SCARB1: variants seen among roughly 807,000 people sequenced by gnomAD.
The protein encoded by SCARB1 is scavenger receptor class B member 1, also known as CD36 and LIMPII analogous 1.
A neutral mutation model predicts 57.2 loss-of-function variants in SCARB1; 30 were observed. The observed-to-expected ratio is 0.52, with a 90% CI of 0.39 to 0.71. The LOEUF (loss-of-function observed/expected upper bound fraction) is 0.71, where lower values mean the gene tolerates loss of function less well. Ranked by LOEUF, SCARB1 falls within the 30% of genes least tolerant of loss-of-function variation. SCARB1 has a pLI of 0.00. For synonymous variants in SCARB1, 249 were observed against 268.3 expected, an observed-to-expected ratio of 0.93 and a Z score of 0.70; for missense variants, 543 against 671.2, an observed-to-expected ratio of 0.81 and a Z score of 2.11.
chr12:124,846,729 CAAAAAAAAAAAA>C (rs5801572), intron 1 of SCARB1, among the ~76,000 whole-genome samples: 35 of 46,038 alleles, frequency 7.6e-4, no homozygotes, highest in South Asian at 1.7e-3. Flanking sequence ...GACTCCATCT[CAAAAAAAAAAAA>C]AAAAAAAAAA....
intron 1 of SCARB1, among the ~76,000 whole-genome samples, chr12:124,825,409 G>T (rs916231434): frequency 6.6e-6 from 1 of 152,106 alleles, no homozygotes; most frequent in African/African-American, 2.4e-5. Flanking sequence ...GGGGGCTCAC[G>T]CCTGTGATCC....
chr12:124,797,635 C>T (rs1379522967), intron 8 of SCARB1, among the ~76,000 whole-genome samples: 2 of 152,178 alleles, frequency 1.3e-5, no homozygotes, highest in Non-Finnish European at 2.9e-5. Context: ...AAAGAAAATC[C>T]GTGCCCTGAA....
intron 1 of SCARB1, among the ~76,000 whole-genome samples, chr12:124,856,983 C>T (rs1365975264): frequency 6.6e-6 from 1 of 152,180 alleles, no homozygotes; most frequent in Admixed American, 6.5e-5. Flanking sequence ...TAGGACAAAG[C>T]CTCGAAGGGA....
chr12:124,822,555 G>A lies in SCARB1; in HGVS notation c.127-4848C>T, dbSNP rs558328901. Among the ~76,000 whole-genome samples the A allele has an allele frequency of 5.3e-5, 8 of 152,306 alleles. No homozygotes were observed. The highest frequency in any genetic ancestry group is 2.6e-4 in the Admixed American group (4 of 15,296). On this transcript the variant is annotated intron_variant, in intron 1 of 12. Coordinates refer to ENST00000261693, the MANE Select transcript of SCARB1 (RefSeq NM_005505.5). The surrounding 1 kb of genome is among the most constrained non-coding windows in gnomAD (Gnocchi z 5.0). The stretch of plus-strand genomic sequence containing the variant: ...AACTGGCCCAGCTATCTTGATTTTG[G>A]TTGCCATATAGGTGAAGTGTATACA...
chr12:124,849,314 C>G (rs1238770954), intron 1 of SCARB1, among the ~76,000 whole-genome samples: 1 of 152,194 alleles, frequency 6.6e-6, no homozygotes, highest in Non-Finnish European at 1.5e-5. Flanking sequence ...CAGCTCATCC[C>G]TCCCACCCCT....
chr12:124,788,489 T>C (rs1402951368), intron 9 of SCARB1, among the ~76,000 whole-genome samples: 1 of 152,218 alleles, frequency 6.6e-6, no homozygotes, highest in East Asian at 1.9e-4. Context: ...TGAACCTTTT[T>C]TCCCTCCTCC....
Position 124,811,909 on chromosome 12 carries a change from G to C in SCARB1, c.687C>G (p.Ser229Arg), listed in dbSNP as rs757116603. Residue 229 changes from serine to arginine, a missense_variant, in exon 5 of 13, where the codon AGC becomes AGG. Physicochemically the swap from Ser to Arg is moderately radical, Grantham distance 110. Coordinates refer to ENST00000261693, the MANE Select transcript of SCARB1 (RefSeq NM_005505.5). ...FTVFTGVQNI[S>R]RIHLVDKWNG... ...TCCACTTGTCCACGAGGTGGATCCT[G>C]CTGATGTTCTGGACCCCCGTGAACA... The C allele has an allele frequency of 4.5e-5, 73 of 1,613,240 alleles. No individual in the cohort carries two copies. Among genetic ancestry groups the C allele is most frequent in the Non-Finnish European group, 5.8e-5 (69 of 1,179,728 alleles).
chr12:124,833,876 G>A (rs371549797), intron 1 of SCARB1, among the ~76,000 whole-genome samples: 16 of 152,352 alleles, frequency 1.1e-4, no homozygotes, highest in African/African-American at 2.2e-4. Context: ...AGAGAAACCC[G>A]GGCCGGGGAA....
In SCARB1 at chr12:124,777,485, GT is replaced by G. The variant is rs1350330131; in HGVS notation, c.*1101del. On this transcript the variant is annotated 3_prime_UTR_variant, in exon 13 of 13. Transcript: ENST00000261693. ...GTTGAAATTTGAAAACAACAGGAAG[GT>G]AAGCCAGCAGCCCGGCCCTGGGAGA... 2 of 152,064 alleles carry G rather than the reference GT, an allele frequency of 1.3e-5. No homozygotes were observed. The highest frequency in any genetic ancestry group is 6.6e-5 in the Admixed American group (1 of 15,252). 9.4% of individuals were successfully genotyped at this position (152,064 alleles called of 1,614,324 possible).
rs1566158439 is a variant in SCARB1 at position 124,800,057 on chromosome 12, G to C, written c.1128+67C>G. On this transcript the variant is annotated intron_variant, in intron 8 of 12. Coordinates refer to ENST00000261693, the MANE Select transcript of SCARB1 (RefSeq NM_005505.5). This position sits in a 1 kb window ranked among gnomAD's most constrained non-coding sequence, Gnocchi z 4.8. ...CACAGCAGCTCTCTGCCTGGGGAGA[G>C]AGGAGGCAGCCAGGTGTGCTCCAAC... 5 of 1,198,744 alleles carry C rather than the reference G, an allele frequency of 4.2e-6. No individual in the cohort carries two copies. The highest frequency in any genetic ancestry group is 5.0e-6 in the Non-Finnish European group (4 of 803,862). The allele number at this position is 1,198,744 out of a possible 1,614,324, so 74.3% of individuals were successfully genotyped here.
At chr12:124,780,412 G>A (rs191089065) in intron 12 of SCARB1, among the ~76,000 whole-genome samples, 1 of 152,280 alleles carries the variant, frequency 6.6e-6, no homozygotes, top group African/African-American at 2.4e-5. Context: ...AGCCCCTCAG[G>A]GCCATCCCCA....
intron 1 of SCARB1, among the ~76,000 whole-genome samples, chr12:124,833,569 G>A (rs1047777629): frequency 5.3e-5 from 8 of 152,192 alleles, no homozygotes; most frequent in East Asian, 3.9e-4. Context: ...GGATCAGGAC[G>A]CCAGCACCTT....
Position 124,814,981 on chromosome 12 carries a change from G to A in SCARB1, c.418C>T (p.Leu140=), listed in dbSNP as rs200492038. The change falls in exon 3 of 13, where the codon CTG becomes TTG. Residue 140 remains leucine, a synonymous_variant. Coordinates refer to ENST00000261693, the MANE Select transcript of SCARB1 (RefSeq NM_005505.5). The surrounding 1 kb of genome is among the most constrained non-coding windows in gnomAD (Gnocchi z 4.7). ...ESDYIVMPNI[L]VLGAAVMMEN... ...CCACAGGGCAGCCTCACCAAGACCA[G>A]GATGTTGGGCATGACGATGTAGTCG... The A allele has an allele frequency of 1.9e-6, 3 of 1,614,182 alleles. No homozygotes were observed. In the East Asian group the frequency reaches 6.7e-5, roughly 36 times the overall value.
chr12:124,860,529 A>G (rs1952852128), intron 1 of SCARB1, among the ~76,000 whole-genome samples: 1 of 152,244 alleles, frequency 6.6e-6, no homozygotes, highest in Non-Finnish European at 1.5e-5. Flanking sequence ...TAAATCAGTA[A>G]TTACCAGTGA....
chr12:124,857,832 C>G (rs1388449394), intron 1 of SCARB1, among the ~76,000 whole-genome samples: 1 of 152,188 alleles, frequency 6.6e-6, no homozygotes, highest in Non-Finnish European at 1.5e-5. Flanking sequence ...TTAAAGACAG[C>G]AGAGGGGACC....
intron 12 of SCARB1, among the ~76,000 whole-genome samples, chr12:124,781,354 C>T (rs1873433657): frequency 6.6e-6 from 1 of 152,358 alleles, no homozygotes; most frequent in East Asian, 1.9e-4. Context: ...CCCAAGTAGG[C>T]CTAGCCTCAG....
intron 7 of SCARB1, among the ~76,000 whole-genome samples, chr12:124,806,007 G>A (rs73415419): frequency 0.036 from 5,475 of 152,184 alleles, 309 homozygotes; most frequent in African/African-American, 0.12. Flanking sequence ...ACTTCCGGCC[G>A]GTGCAACCAA....
intron 1 of SCARB1, among the ~76,000 whole-genome samples, chr12:124,825,793 G>A (rs944608822): frequency 1.3e-5 from 2 of 152,216 alleles, no homozygotes; most frequent in African/African-American, 4.8e-5. Context: ...AATCTTGACA[G>A]AAGGACAAAT....
chr12:124,806,291 GC>G (rs1950321431), intron 7 of SCARB1, among the ~76,000 whole-genome samples: 1 of 152,142 alleles, frequency 6.6e-6, no homozygotes, highest in South Asian at 2.1e-4. Flanking sequence ...CACTGGAAGA[GC>G]TGGGTGAGGA....
Sources: allele counts gnomAD v4.1 joint callset (sites outside exome capture counted in the v4.1 genomes callset), GRCh38; gene constraint gnomAD v4.1.1; non-coding constraint Gnocchi (gnomAD v3.1); transcripts MANE v1.5; gene names NCBI Gene and HGNC (gene_info 2026-07-23, HGNC 2026-07-21).